The following DNAJC16 variants were observed in gnomAD, a reference collection of about 807,000 sequenced individuals.
The protein encoded by DNAJC16 is DnaJ heat shock protein family (Hsp40) member C16, also known as dnaJ homolog subfamily C member 16.
DNAJC16 carries 76 observed loss-of-function variants against 92.7 expected under a neutral mutation model. That is an observed-to-expected ratio of 0.82 (90% CI 0.68 to 0.99). The LOEUF (loss-of-function observed/expected upper bound fraction) is 0.99. DNAJC16 is among the 50% of genes least tolerant of loss of function. DNAJC16 has a pLI of 0.00. For synonymous variants in DNAJC16, 328 were observed against 358.7 expected, an observed-to-expected ratio of 0.91 and a Z score of 0.97; for missense variants, 869 against 942.4, an observed-to-expected ratio of 0.92 and a Z score of 1.02.
At chr1:15,565,872 G>A (rs1028432481) in intron 11 of DNAJC16, 47 bp from the exon 12 acceptor site, 13 of 1,565,048 alleles carry the variant, frequency 8.3e-6, no homozygotes, top group African/African-American at 1.4e-5. Context: ...TTTAGCTGGA[G>A]AGAAGAAATT....
intron 7 of DNAJC16, among the ~76,000 whole-genome samples, chr1:15,558,164 C>T: frequency 6.7e-6 from 1 of 149,750 alleles, no homozygotes; most frequent in East Asian, 1.9e-4. Context: ...AGCCACCATA[C>T]CCAGCCCTTT....
chr1:15,568,955 C>T lies in DNAJC16; in HGVS notation c.*778C>T, dbSNP rs1638883112. 2.7e-6 allele frequency: 1 copy of T among 364,848 alleles called. No individual in the cohort carries two copies. Among genetic ancestry groups the T allele is most frequent in the Non-Finnish European group, 4.9e-6 (1 of 204,416 alleles). The allele number at this position is 364,848 out of a possible 1,614,324, so 22.6% of individuals were successfully genotyped here. A position where few individuals can be genotyped will look rare whatever the true frequency, so the allele number is the denominator to read the frequency against. On this transcript the variant is annotated 3_prime_UTR_variant, in exon 15 of 15. Transcript: ENST00000375847. ...TGCACAGCGAGAAGTACTGTGATGA[C>T]TTTGAGCCGTTGACATGTATGTCTT...
intron 7 of DNAJC16, among the ~76,000 whole-genome samples, chr1:15,552,769 T>A (rs200914817): frequency 0.049 from 7,153 of 146,682 alleles, 215 homozygotes; most frequent in Middle Eastern, 0.082. Context: ...TATTATTATT[T>A]ATTTTTTTTT....
At chr1:15,549,979 A>T (rs1638406562) in intron 7 of DNAJC16, among the ~76,000 whole-genome samples, 1 of 152,118 alleles carries the variant, frequency 6.6e-6, no homozygotes, top group Non-Finnish European at 1.5e-5. Context: ...TATAGGAAAA[A>T]AACATAGTTT....
At chr1:15,562,981 T>G (rs1436428427) in intron 9 of DNAJC16, among the ~76,000 whole-genome samples, 1 of 150,006 alleles carries the variant, frequency 6.7e-6, no homozygotes, top group Admixed American at 6.8e-5. Context: ...ACTGGTAATG[T>G]GCTCTGGAAA....
intron 3 of DNAJC16, 30 bp from the exon 4 acceptor site, chr1:15,536,445 T>C (rs1237650543): frequency 5.3e-6 from 8 of 1,522,494 alleles, no homozygotes; most frequent in Non-Finnish European, 7.0e-6. Flanking sequence ...AACCTTTTGT[T>C]GTTGTTTAGA....
intron 7 of DNAJC16, among the ~76,000 whole-genome samples, chr1:15,555,750 G>A (rs762850872): frequency 8.0e-5 from 12 of 150,904 alleles, no homozygotes; most frequent in Non-Finnish European, 1.5e-4. Context: ...CACTTTGGGA[G>A]GCCAAGTCGG....
At position 15,567,992 on chromosome 1, in the gene DNAJC16, G is replaced by A. The variant is rs1373261452; in HGVS notation, c.2164G>A (p.Ala722Thr). 1 of 1,614,268 alleles carries A rather than the reference G, an allele frequency of 6.2e-7. No individual in the cohort carries two copies. Among genetic ancestry groups the A allele is most frequent in the Non-Finnish European group, 8.5e-7 (1 of 1,180,044 alleles). Residue 722 changes from alanine to threonine, a missense_variant, in exon 15 of 15, where the codon GCC (alanine) becomes ACC (threonine). Physicochemically the swap from Ala to Thr is moderately conservative, Grantham distance 58. Transcript: ENST00000375847. ...CCAAAAGACAGTCGAAGAGGAGGAA[G>A]CCATAGGGTCGTGCAGTGATGTTGA... is the stretch of plus-strand genomic sequence containing the variant. ...KPQKTVEEEE[A>T]IGSCSDVDSS...
In DNAJC16 at chr1:15,567,812, G is replaced by C. The variant is rs764088006; in HGVS notation, c.1984G>C (p.Asp662His). 2 of 1,614,128 alleles carry C rather than the reference G, an allele frequency of 1.2e-6. No homozygotes were observed. Among genetic ancestry groups the C allele is most frequent in the Non-Finnish European group, 1.7e-6 (2 of 1,180,032 alleles). Residue 662 changes from aspartate (D) to histidine (H), a missense_variant, in exon 15 of 15, where the codon GAT becomes CAT. Physicochemically the swap from Asp to His is moderately conservative, Grantham distance 81. Transcript: ENST00000375847. ...CCTACACTTCTCCTTCCTGAGTCTAGATAAACACAGAGAATGGCTAGAATA... is the reference window on the plus strand; with the variant it reads ...CCTACACTTCTCCTTCCTGAGTCTACATAAACACAGAGAATGGCTAGAATA... ...SCLHFSFLSL[D>H]KHREWLEYLL...
At chr1:15,527,791 T>G (rs1433367375) in intron 1 of DNAJC16, among the ~76,000 whole-genome samples, 1 of 152,230 alleles carries the variant, frequency 6.6e-6, no homozygotes, top group Non-Finnish European at 1.5e-5. Flanking sequence ...ACCACTGTTA[T>G]AGCTTTGCCC....
Position 15,565,908 on chromosome 1 carries a change from T to A in DNAJC16, c.1599-11T>A, listed in dbSNP as rs751047942. 3 of 1,611,532 alleles carry A rather than the reference T, an allele frequency of 1.9e-6. No individual in the cohort carries two copies. Among genetic ancestry groups the A allele is most frequent in the East Asian group, 2.2e-5 (1 of 44,882 alleles). On this transcript the variant is annotated splice_polypyrimidine_tract_variant and intron_variant, in intron 11 of 14. Transcript: ENST00000375847. ...TTAACTTGAGCTAATAGTTTGTTAATTTGGTTTTAGGAGGGAAATGATGCC... is the reference window on the plus strand; with the variant it reads ...TTAACTTGAGCTAATAGTTTGTTAAATTGGTTTTAGGAGGGAAATGATGCC...
rs763424090 is a variant in DNAJC16 at position 15,536,455 on chromosome 1, AT to A, written c.235-13del. 11 of 1,541,970 alleles carry A rather than the reference AT, an allele frequency of 7.1e-6. No homozygotes were observed. The highest frequency in any genetic ancestry group is 2.5e-5 in the South Asian group (2 of 80,174). On this transcript the variant is annotated intron_variant, in intron 3 of 14. Transcript: ENST00000375847. ...GGATGAACCTTTTGTTGTTGTTTAG[AT>A]TTTTTTCTTCCTTTATAGATTCTTT...
chr1:15,530,456 A>G (rs946447172), intron 2 of DNAJC16, among the ~76,000 whole-genome samples: 1 of 152,182 alleles, frequency 6.6e-6, no homozygotes, highest in Non-Finnish European at 1.5e-5. Flanking sequence ...AGTTTCTTCC[A>G]CCAATGCCTT....
chr1:15,543,675 A>G (rs745463917), intron 4 of DNAJC16, among the ~76,000 whole-genome samples: 1 of 152,280 alleles, frequency 6.6e-6, no homozygotes, highest in Admixed American at 6.5e-5. Context: ...AGCATTTAGG[A>G]TATTATTGCA....
chr1:15,532,787 AT>A (rs971119447), intron 2 of DNAJC16, among the ~76,000 whole-genome samples: 9 of 151,402 alleles, frequency 5.9e-5, no homozygotes, highest in African/African-American at 1.5e-4. Context: ...ACTAGCTGAG[AT>A]TTTTTTCCCC....
At chr1:15,545,714 C>G (rs922397160) in intron 5 of DNAJC16, among the ~76,000 whole-genome samples, 1 of 152,170 alleles carries the variant, frequency 6.6e-6, no homozygotes, top group African/African-American at 2.4e-5. Context: ...AGCACCTTCA[C>G]GCTCCTTTAA....
intron 5 of DNAJC16, among the ~76,000 whole-genome samples, chr1:15,544,900 CAT>C (rs112496489): frequency 0.21 from 32,457 of 152,036 alleles, 3,670 homozygotes; most frequent in Non-Finnish European, 0.23. Flanking sequence ...AATTAAATCA[CAT>C]GTTAGAAAGA....
Position 15,565,895 on chromosome 1 carries a change from A to C in DNAJC16, c.1599-24A>C, listed in dbSNP as rs987027499. On this transcript the variant is annotated intron_variant, in intron 11 of 14. Transcript: ENST00000375847. ...GAGAGAAGAAATTTTAACTTGAGCT[A>C]ATAGTTTGTTAATTTGGTTTTAGGA... 10 of 1,604,758 alleles carry C rather than the reference A, an allele frequency of 6.2e-6. No homozygotes were observed. The Admixed American group carries it at 6.8e-5, about 11-fold the overall frequency.
At chr1:15,548,559 A>G (rs1039276122) in intron 7 of DNAJC16, 131 bp downstream of exon 7, 6 of 898,742 alleles carry the variant, frequency 6.7e-6, no homozygotes, top group Non-Finnish European at 9.5e-6. Context: ...TTTTTTAATG[A>G]ATTTTTTTAT....
Sources: allele counts gnomAD v4.1 joint callset (sites outside exome capture counted in the v4.1 genomes callset), GRCh38; gene constraint gnomAD v4.1.1; transcripts MANE v1.5; gene names NCBI Gene and HGNC (gene_info 2026-07-23, HGNC 2026-07-21).